The following RUNX1 variants were observed in gnomAD, a reference collection of about 807,000 sequenced individuals.
RUNX1 encodes RUNX family transcription factor 1.
Under a neutral mutation model 42.8 loss-of-function variants are expected in RUNX1, and 19 were observed. The ratio of observed to expected loss-of-function variants is 0.44; its 90% confidence interval spans 0.31 to 0.65. RUNX1 has a LOEUF of 0.65. Among genes scored for constraint, RUNX1 ranks in the 30% least tolerant of loss-of-function variants. RUNX1 has a pLI of 0.07. For synonymous variants in RUNX1, 271 were observed against 289.4 expected (o/e 0.94, Z 0.64); for missense variants, 528 against 672.0 (o/e 0.79, Z 2.37).
intron 2 of RUNX1, among the ~76,000 whole-genome samples, chr21:34,914,512 G>A (rs1049012578): frequency 2.0e-5 from 3 of 152,070 alleles, no homozygotes; most frequent in Admixed American, 6.5e-5. Context: ...GTCATTTCAC[G>A]GGGGGCAGCA....
intron 2 of RUNX1, among the ~76,000 whole-genome samples, chr21:35,039,347 C>G (rs968298759): frequency 1.3e-5 from 2 of 152,208 alleles, no homozygotes; most frequent in Non-Finnish European, 2.9e-5. Flanking sequence ...GCAAGTGAAC[C>G]TCTCTGGTGC....
chr21:35,005,629 T>C (rs1569147626), intron 2 of RUNX1, among the ~76,000 whole-genome samples: 1 of 152,172 alleles, frequency 6.6e-6, no homozygotes, highest in Non-Finnish European at 1.5e-5. Flanking sequence ...ATCCCTTAGC[T>C]TCCTTCTTAC....
chr21:35,008,599 CT>C (rs2059102735), intron 2 of RUNX1, among the ~76,000 whole-genome samples: 1 of 152,236 alleles, frequency 6.6e-6, no homozygotes, highest in Admixed American at 6.5e-5. Context: ...CATAGGCAGA[CT>C]TTCTAATTTT....
intron 2 of RUNX1, among the ~76,000 whole-genome samples, chr21:35,008,282 T>C (rs920191858): frequency 3.3e-5 from 5 of 152,260 alleles, no homozygotes; most frequent in African/African-American, 1.2e-4. Flanking sequence ...TAGGGGAATG[T>C]ATGTGAGCAT....
intron 2 of RUNX1, among the ~76,000 whole-genome samples, chr21:34,967,156 T>C (rs1030391543): frequency 2.0e-5 from 3 of 149,972 alleles, no homozygotes; most frequent in Admixed American, 6.7e-5. Flanking sequence ...CTATCTCTAC[T>C]AAAAATACAA....
chr21:35,048,163 G>C (rs897589052), intron 2 of RUNX1, among the ~76,000 whole-genome samples: 1 of 152,198 alleles, frequency 6.6e-6, no homozygotes, highest in Non-Finnish European at 1.5e-5. Flanking sequence ...GCCACAATTT[G>C]CTTCCTTTCT....
intron 3 of RUNX1, chr21:34,888,055 T>G: frequency 1.9e-6 from 2 of 1,066,246 alleles, no homozygotes; most frequent in Non-Finnish European, 2.3e-6. Flanking sequence ...GTCCTCTGGT[T>G]TGTTGGGAGT....
At chr21:34,811,020 T>C (rs943126663) in intron 7 of RUNX1, among the ~76,000 whole-genome samples, 3 of 152,160 alleles carry the variant, frequency 2.0e-5, no homozygotes, top group East Asian at 1.9e-4. Context: ...AGGAGCACCA[T>C]AGCCACCCTG....
chr21:34,854,731 C>T lies in RUNX1; in HGVS notation c.613+4743G>A, dbSNP rs759840956. Among the ~76,000 whole-genome samples, 7 of 152,124 alleles carry T rather than the reference C, an allele frequency of 4.6e-5. No homozygotes were observed. The South Asian group carries it at 6.2e-4, about 14-fold the overall frequency. On this transcript the variant is annotated intron_variant, in intron 6 of 8. Coordinates refer to ENST00000675419, the MANE Select transcript of RUNX1 (RefSeq NM_001754.5). ...AAACAGACCACATCACAAGACTCTA[C>T]GTTAACAGCCTGGTCCTCAAGGACG...
At chr21:34,853,316 A>G (rs1161021681) in intron 6 of RUNX1, among the ~76,000 whole-genome samples, 1 of 152,066 alleles carries the variant, frequency 6.6e-6, no homozygotes, top group Non-Finnish European at 1.5e-5. Flanking sequence ...CCCTCCTGTC[A>G]GTACAAAAAA....
At chr21:34,939,181 T>A (rs2058508275) in intron 2 of RUNX1, among the ~76,000 whole-genome samples, 1 of 152,226 alleles carries the variant, frequency 6.6e-6, no homozygotes, top group African/African-American at 2.4e-5. Context: ...TGTTAGATTT[T>A]CCACAAAAAA....
chr21:35,046,315 T>C (rs2059395656), intron 2 of RUNX1, among the ~76,000 whole-genome samples: 1 of 152,204 alleles, frequency 6.6e-6, no homozygotes, highest in South Asian at 2.1e-4. Context: ...CACTCCTCTC[T>C]TTCCCCCCAA....
At position 34,839,968 on chromosome 21, in the gene RUNX1, C is replaced by T. The variant is rs572841759; in HGVS notation, c.614-5367G>A. Among the ~76,000 whole-genome samples, 15 of 152,202 alleles carry T rather than the reference C, an allele frequency of 9.9e-5. No individual in the cohort carries two copies. The South Asian group carries it at 2.1e-3, about 21-fold the overall frequency. On this transcript the variant is annotated intron_variant, in intron 6 of 8. Coordinates refer to ENST00000675419, the MANE Select transcript of RUNX1 (RefSeq NM_001754.5). Reference sequence around the variant, plus strand: ...CTCCTTTTGGTGATAACTATTTGGCCGTCTTTTCATTTTTTTAACTCTTCA... The same window carrying T: ...CTCCTTTTGGTGATAACTATTTGGCTGTCTTTTCATTTTTTTAACTCTTCA...
chr21:34,909,588 CAA>C (rs10584066), intron 2 of RUNX1, among the ~76,000 whole-genome samples: 24 of 75,000 alleles, frequency 3.2e-4, no homozygotes, highest in Non-Finnish European at 3.0e-4. Context: ...CACTGTTCCT[CAA>C]AAAAAAAAAA....
At chr21:35,015,014 G>T (rs561815176) in intron 2 of RUNX1, among the ~76,000 whole-genome samples, 28 of 152,366 alleles carry the variant, frequency 1.8e-4, no homozygotes, top group African/African-American at 6.3e-4. Context: ...GGAAGGGAGT[G>T]CACTCAACTC....
chr21:34,965,209 C>CACAGCCTCACACAT (rs1189975343), intron 2 of RUNX1, among the ~76,000 whole-genome samples: 1 of 152,108 alleles, frequency 6.6e-6, no homozygotes, highest in African/African-American at 2.4e-5. Context: ...CGTGCACACA[C>CACAGCCTCACACAT]ACAGCCTCAC....
chr21:35,043,351 C>T (rs529724407), intron 2 of RUNX1, among the ~76,000 whole-genome samples: 3 of 151,926 alleles, frequency 2.0e-5, no homozygotes, highest in Non-Finnish European at 2.9e-5. Flanking sequence ...CAGGGGAGGC[C>T]GAGAAACAAG....
At chr21:34,914,174 G>A (rs926165135) in intron 2 of RUNX1, among the ~76,000 whole-genome samples, 1 of 152,218 alleles carries the variant, frequency 6.6e-6, no homozygotes, top group Non-Finnish European at 1.5e-5. Flanking sequence ...GAGAGCGGCT[G>A]TCTCCTGGCA....
At chr21:34,934,114 G>GT (rs1569112527) in intron 2 of RUNX1, among the ~76,000 whole-genome samples, 1 of 152,112 alleles carries the variant, frequency 6.6e-6, no homozygotes, top group Non-Finnish European at 1.5e-5. Context: ...GCTTTTCTGT[G>GT]TATGTCCTGA....
Sources: allele counts gnomAD v4.1 joint callset (sites outside exome capture counted in the v4.1 genomes callset), GRCh38; gene constraint gnomAD v4.1.1; transcripts MANE v1.5; gene names NCBI Gene and HGNC (gene_info 2026-07-23, HGNC 2026-07-21).